Variants in RPH3AL observed in about 807,000 individuals in gnomAD.
The protein encoded by RPH3AL is rabphilin 3A like (without C2 domains), also known as rab effector Noc2.
RPH3AL carries 38 observed loss-of-function variants against 43.1 expected under a neutral mutation model. That is an observed-to-expected ratio of 0.88 (90% CI 0.68 to 1.15). The LOEUF (loss-of-function observed/expected upper bound fraction) is 1.15, where lower values mean the gene tolerates loss of function less well. Ranked by LOEUF, RPH3AL falls within the 50% of genes most tolerant of loss-of-function variation. The pLI is 0.00. For synonymous variants in RPH3AL, 189 were observed against 176.3 expected (o/e 1.07, Z -0.57); for missense variants, 462 against 423.2 (o/e 1.09, Z -0.81).
At chr17:351,032 C>A (rs60932163) in intron 1 of RPH3AL, among the ~76,000 whole-genome samples, 31 of 152,148 alleles carry the variant, frequency 2.0e-4, no homozygotes, top group African/African-American at 4.1e-4. Flanking sequence ...GATGCTCCCC[C>A]CTTCTAGGAC....
chr17:314,653 C>T (rs1477918549), intron 5 of RPH3AL, among the ~76,000 whole-genome samples: 13 of 151,188 alleles, frequency 8.6e-5, no homozygotes, highest in East Asian at 3.9e-4. Flanking sequence ...CCCTGTGACT[C>T]CACCTCCATT....
Position 313,515 on chromosome 17 carries a change from G to A in RPH3AL, c.351+5905C>T, listed in dbSNP as rs558375983. ...TGCCGTTCCCTCTGCCGGGAACACTGTTCCACCCAGATCTTCCCAGGGCCA... is the reference window on the plus strand; with the variant it reads ...TGCCGTTCCCTCTGCCGGGAACACTATTCCACCCAGATCTTCCCAGGGCCA... On this transcript the variant is annotated intron_variant, in intron 5 of 9. Transcript: ENST00000331302. Among the ~76,000 whole-genome samples the A allele has an allele frequency of 3.9e-5, 6 of 152,264 alleles. No individual in the cohort carries two copies. The East Asian group carries it at 7.7e-4, about 20-fold the overall frequency.
rs1035534951 is a variant in RPH3AL at position 289,978 on chromosome 17, G to A, written c.352-8124C>T. Reference sequence around the variant, plus strand: ...CTCCTGTGACTTCCCCTGCTGGGCCGTCATCTTCCCAAGGGCAGAGGCCAC... The same window carrying A: ...CTCCTGTGACTTCCCCTGCTGGGCCATCATCTTCCCAAGGGCAGAGGCCAC... On this transcript the variant is annotated intron_variant, in intron 5 of 9. Coordinates refer to ENST00000331302, the MANE Select transcript of RPH3AL (RefSeq NM_006987.4). This position sits in a 1 kb window ranked among gnomAD's most constrained non-coding sequence, Gnocchi z 5.2. Among the ~76,000 whole-genome samples the A allele has an allele frequency of 7.9e-5, 12 of 152,160 alleles. No individual in the cohort carries two copies. Among genetic ancestry groups the A allele is most frequent in the African/African-American group, 2.4e-4 (10 of 41,436 alleles).
chr17:311,064 A>G (rs1249285895), intron 5 of RPH3AL, among the ~76,000 whole-genome samples: 1 of 151,914 alleles, frequency 6.6e-6, no homozygotes, highest in African/African-American at 2.4e-5. Context: ...TCGTCCCCTG[A>G]AAGACTCCTC....
chr17:302,299 G>A (rs1483947045), intron 5 of RPH3AL, among the ~76,000 whole-genome samples: 1 of 152,224 alleles, frequency 6.6e-6, no homozygotes, highest in African/African-American at 2.4e-5. Context: ...CTGAGGTCAC[G>A]CAGGAGGTTC....
chr17:226,099 C>T (rs866601990), intron 7 of RPH3AL, among the ~76,000 whole-genome samples: 1 of 152,250 alleles, frequency 6.6e-6, no homozygotes, highest in African/African-American at 2.4e-5. Context: ...GGTCAGGGTG[C>T]CACCTGGCCT....
rs1555539860 is a variant in RPH3AL, at chr17:246,161, C to T, written c.613+950G>A. Among the ~76,000 whole-genome samples the T allele has an allele frequency of 2.0e-5, 3 of 152,198 alleles. No individual in the cohort carries two copies. The highest frequency in any genetic ancestry group is 7.2e-5 in the African/African-American group (3 of 41,464). ...ACAGCCCGAATGACATAAAGATGGT[C>T]AGATGTCAGGTCACAACCGAAGACC... On this transcript the variant is annotated intron_variant, in intron 7 of 9. Coordinates refer to ENST00000331302, the MANE Select transcript of RPH3AL (RefSeq NM_006987.4). The surrounding 1 kb of genome is among the most constrained non-coding windows in gnomAD (Gnocchi z 4.8).
chr17:338,074 G>C (rs2045009063), intron 1 of RPH3AL, among the ~76,000 whole-genome samples: 5 of 152,218 alleles, frequency 3.3e-5, no homozygotes, highest in Admixed American at 3.3e-4. Context: ...CGTGTCCCCA[G>C]AGGCATAGCT....
At chr17:326,745 G>A in intron 3 of RPH3AL, among the ~76,000 whole-genome samples, 1 of 152,218 alleles carries the variant, frequency 6.6e-6, no homozygotes, top group Non-Finnish European at 1.5e-5. Flanking sequence ...AGCCCATTGT[G>A]GTAGTGGGCA....
At chr17:332,897 T>C in intron 2 of RPH3AL, 1 of 744,226 alleles carries the variant, frequency 1.3e-6, no homozygotes, top group Non-Finnish European at 1.9e-6. Flanking sequence ...GGAACCCTTG[T>C]AAAACCCCGC....
At chr17:243,755 C>T (rs1555538306) in intron 7 of RPH3AL, among the ~76,000 whole-genome samples, 1 of 144,978 alleles carries the variant, frequency 6.9e-6, no homozygotes, top group African/African-American at 2.5e-5. Context: ...TATTGATTAC[C>T]CTTCCTCTAT....
chr17:306,229 C>G (rs1473912359), intron 5 of RPH3AL, among the ~76,000 whole-genome samples: 4 of 151,596 alleles, frequency 2.6e-5, no homozygotes, highest in South Asian at 4.2e-4. Context: ...ACCCAGCCCC[C>G]CTGGAACCCC....
At chr17:321,532 G>A (rs2044473077) in intron 3 of RPH3AL, 117 bp from the exon 4 acceptor site, 1 of 1,210,470 alleles carries the variant, frequency 8.3e-7, no homozygotes, top group South Asian at 1.9e-5. Flanking sequence ...GGTGCCGCGT[G>A]CCGGGACGAC....
rs2151702012 is a variant in RPH3AL, at chr17:322,389, AC to A, written c.78-975del. ...TGAACGAGACGGGAAAAGCCACTGC[AC>A]CCTGAAGAACTACAATATGGTGGGG... is the stretch of plus-strand genomic sequence containing the variant. On this transcript the variant is annotated intron_variant, in intron 3 of 9. Coordinates refer to ENST00000331302, the MANE Select transcript of RPH3AL (RefSeq NM_006987.4). This position sits in a 1 kb window ranked among gnomAD's most constrained non-coding sequence, Gnocchi z 4.0. The A allele has an allele frequency of 6.6e-6, 1 of 152,370 alleles. No homozygotes were observed. The highest frequency in any genetic ancestry group is 1.9e-4 in the East Asian group (1 of 5,182). The allele number at this position is 152,370 out of a possible 1,614,324, so 9.4% of individuals were successfully genotyped here. A position where few individuals can be genotyped will look rare whatever the true frequency, so the allele number is the denominator to read the frequency against.
chr17:335,047 G>A (rs775080634), intron 1 of RPH3AL, among the ~76,000 whole-genome samples: 8 of 152,212 alleles, frequency 5.3e-5, no homozygotes, highest in African/African-American at 1.4e-4. Context: ...TGGCACGAAC[G>A]AGCGCGCTTT....
chr17:248,051 G>A (rs973599135), intron 6 of RPH3AL, among the ~76,000 whole-genome samples: 1 of 152,070 alleles, frequency 6.6e-6, no homozygotes, highest in African/African-American at 2.4e-5. Flanking sequence ...GACCTCCCGG[G>A]CACCTTCTCT....
intron 6 of RPH3AL, among the ~76,000 whole-genome samples, chr17:257,938 G>T (rs75934858): frequency 7.7e-6 from 1 of 130,348 alleles, no homozygotes; most frequent in Non-Finnish European, 1.7e-5. Flanking sequence ...GTCGCACGGC[G>T]TCTATCCTTT....
chr17:281,685 G>A (rs569541127), intron 6 of RPH3AL, 83 bp downstream of exon 6: 24 of 306,298 alleles, frequency 7.8e-5, no homozygotes, highest in Middle Eastern at 1.1e-3. Context: ...CCTCCCCACC[G>A]TCACCCTGAC....
At chr17:229,698 AG>A (rs1352709410) in intron 7 of RPH3AL, among the ~76,000 whole-genome samples, 2 of 152,150 alleles carry the variant, frequency 1.3e-5, no homozygotes, top group East Asian at 3.9e-4. Context: ...GCCATGGATG[AG>A]TGGGTCCTGG....
Sources: gnomAD v4.1 joint callset for allele counts (sites outside exome capture counted in the v4.1 genomes callset) on GRCh38, gnomAD v4.1.1 for gene constraint, Gnocchi (gnomAD v3.1) non-coding constraint, MANE v1.5 for transcripts, NCBI Gene and HGNC (gene_info 2026-07-23, HGNC 2026-07-21) for gene names.